Variants in INPP4A observed in about 807,000 individuals in gnomAD.
INPP4A encodes inositol polyphosphate-4-phosphatase type I A.
INPP4A carries 33 observed loss-of-function variants against 119.8 expected under a neutral mutation model. The ratio of observed to expected loss-of-function variants is 0.28; its 90% confidence interval spans 0.21 to 0.37. The LOEUF is 0.37. INPP4A is among the 10% of genes least tolerant of loss of function. INPP4A has a pLI of 1.00. For missense variants in INPP4A, 956 were observed against 1,289.9 expected, an observed-to-expected ratio of 0.74 and a Z score of 3.97; for synonymous variants, 496 against 500.7, an observed-to-expected ratio of 0.99 and a Z score of 0.12.
intron 1 of INPP4A, among the ~76,000 whole-genome samples, chr2:98,508,829 C>A (rs548325607): frequency 1.3e-5 from 2 of 152,262 alleles, no homozygotes; most frequent in African/African-American, 4.8e-5. Flanking sequence ...GACAGCAGAC[C>A]GCCATGTACA....
At chr2:98,484,614 A>G (rs562904625) in intron 1 of INPP4A, among the ~76,000 whole-genome samples, 1 of 152,152 alleles carries the variant, frequency 6.6e-6, no homozygotes, top group Non-Finnish European at 1.5e-5. Flanking sequence ...AAAATTTTGC[A>G]TACTTACTAT....
chr2:98,586,235 G>A (rs1267215516), intron 24 of INPP4A, among the ~76,000 whole-genome samples: 1 of 152,054 alleles, frequency 6.6e-6, no homozygotes, highest in Non-Finnish European at 1.5e-5. Flanking sequence ...TCGGAGCTTA[G>A]CTTTTGAATA....
intron 1 of INPP4A, among the ~76,000 whole-genome samples, chr2:98,489,255 T>C (rs1680197718): frequency 6.6e-6 from 1 of 151,898 alleles, no homozygotes; most frequent in Non-Finnish European, 1.5e-5. Flanking sequence ...CGGGTCTCAG[T>C]GGATACCAGG....
intron 1 of INPP4A, among the ~76,000 whole-genome samples, chr2:98,497,955 A>G (rs1682364491): frequency 6.6e-6 from 1 of 152,218 alleles, no homozygotes; most frequent in Non-Finnish European, 1.5e-5. Context: ...TGTATCTAGA[A>G]AGTAACTAAC....
intron 1 of INPP4A, among the ~76,000 whole-genome samples, chr2:98,464,260 T>G (rs1374194492): frequency 1.3e-5 from 2 of 151,814 alleles, no homozygotes; most frequent in African/African-American, 4.8e-5. Flanking sequence ...AGCCGTCAGA[T>G]TCATGGGGCC....
intron 7 of INPP4A, among the ~76,000 whole-genome samples, chr2:98,536,606 G>A (rs1025782668): frequency 6.6e-6 from 1 of 152,186 alleles, no homozygotes; most frequent in African/African-American, 2.4e-5. Context: ...ATTTATGGAA[G>A]GAATGAGTGA....
At chr2:98,476,393 G>C (rs1677202976) in intron 1 of INPP4A, among the ~76,000 whole-genome samples, 1 of 152,250 alleles carries the variant, frequency 6.6e-6, no homozygotes, top group Admixed American at 6.5e-5. Context: ...CCTGTTTGCT[G>C]TCCCTCGGGA....
chr2:98,461,658 C>T (rs1204984750), intron 1 of INPP4A, among the ~76,000 whole-genome samples: 1 of 152,262 alleles, frequency 6.6e-6, no homozygotes, highest in African/African-American at 2.4e-5. Flanking sequence ...CCTTAAGACA[C>T]CAATGCCATG....
intron 1 of INPP4A, among the ~76,000 whole-genome samples, chr2:98,479,062 C>G (rs965525511): frequency 6.6e-6 from 1 of 152,156 alleles, no homozygotes; most frequent in Non-Finnish European, 1.5e-5. Flanking sequence ...CACTTCCTCC[C>G]GGCTCCTGGG....
chr2:98,497,398 G>A (rs1417016647), intron 1 of INPP4A, among the ~76,000 whole-genome samples: 1 of 152,202 alleles, frequency 6.6e-6, no homozygotes, highest in Non-Finnish European at 1.5e-5. Context: ...GTGGAGCTGT[G>A]AGAAGAGGAC....
chr2:98,591,608 G>A lies in INPP4A; in HGVS notation c.*4000G>A, dbSNP rs912635399. 6.6e-6 allele frequency: 1 copy of A among 152,154 alleles called. No homozygotes were observed. The highest frequency in any genetic ancestry group is 2.4e-5 in the African/African-American group (1 of 41,418). The allele number at this position is 152,154 out of a possible 1,614,324, so 9.4% of individuals were successfully genotyped here. ...CCTCCGCATGCCATTCTGGTGCTGC[G>A]CTTCAGTTTCCTGTTGAGTCTCTGC... On this transcript the variant is annotated 3_prime_UTR_variant, in exon 25 of 25. Transcript: ENST00000409851.
rs781556120 is a variant in INPP4A, at chr2:98,577,127, C to T, written c.2770C>T (p.Leu924=). The T allele has an allele frequency of 6.2e-7, 1 of 1,611,644 alleles. No homozygotes were observed. Among genetic ancestry groups the T allele is most frequent in the Non-Finnish European group, 8.5e-7 (1 of 1,178,728 alleles). Residue 924 remains leucine (L), a synonymous_variant, in exon 24 of 25, where the codon CTG becomes TTG. Transcript: ENST00000409851. ...GMAPQVFTQA[L]ECMRSEGCRR... ...GGCCCCGCAGGTCTTCACCCAGGCCCTGGAGTGCATGCGCAGGTGAGTGCC... is the reference window on the plus strand; with the variant it reads ...GGCCCCGCAGGTCTTCACCCAGGCCTTGGAGTGCATGCGCAGGTGAGTGCC...
At chr2:98,572,659 AG>A (rs563985554) in intron 22 of INPP4A, among the ~76,000 whole-genome samples, 155 bp from the exon 23 acceptor site, 181 of 152,352 alleles carry the variant, frequency 1.2e-3, no homozygotes, top group African/African-American at 4.3e-3. Flanking sequence ...CCACACCAGC[AG>A]CCATGTCCTA....
At chr2:98,471,512 G>T (rs987704064) in intron 1 of INPP4A, among the ~76,000 whole-genome samples, 1 of 152,146 alleles carries the variant, frequency 6.6e-6, no homozygotes, top group Non-Finnish European at 1.5e-5. Context: ...TTAAGCTCTG[G>T]TGGATGGAAG....
chr2:98,516,417 AAACC>A (rs1332198282), intron 1 of INPP4A, among the ~76,000 whole-genome samples: 1 of 152,162 alleles, frequency 6.6e-6, no homozygotes, highest in Non-Finnish European at 1.5e-5. Context: ...CCTAGGATAT[AAACC>A]ACCCTCCTAA....
intron 1 of INPP4A, among the ~76,000 whole-genome samples, chr2:98,470,914 C>T (rs1675881670): frequency 6.6e-6 from 1 of 152,160 alleles, no homozygotes; most frequent in Non-Finnish European, 1.5e-5. Flanking sequence ...GATCCACCCA[C>T]CTTGGCCTCC....
In INPP4A at chr2:98,538,996, CCTT is replaced by C. The variant is rs1690871135; in HGVS notation, c.670+16_670+18del. On this transcript the variant is annotated intron_variant, in intron 9 of 24. Coordinates refer to ENST00000409851, the MANE Select transcript of INPP4A (RefSeq NM_001134225.2). ...GCTGAAATCGGGTAAACAGCTTCCT[CCTT>C]TGGTATTCTTGCCTCTCTAGTGAGT... 6.4e-7 allele frequency: 1 copy of C among 1,551,748 alleles called. No individual in the cohort carries two copies. Among genetic ancestry groups the C allele is most frequent in the Non-Finnish European group, 8.9e-7 (1 of 1,128,954 alleles).
intron 1 of INPP4A, among the ~76,000 whole-genome samples, chr2:98,452,383 A>G (rs1695380176): frequency 2.0e-5 from 3 of 152,188 alleles, no homozygotes; most frequent in African/African-American, 7.2e-5. Context: ...AAACTCTGGG[A>G]TGGGGCCCAG....
chr2:98,480,921 G>A (rs554641386), intron 1 of INPP4A, among the ~76,000 whole-genome samples: 159 of 152,338 alleles, frequency 1.0e-3, no homozygotes, highest in African/African-American at 3.6e-3. Context: ...GACCCTTCCA[G>A]CCCCAGGAAG....
Sources: gnomAD v4.1 joint callset for allele counts (sites outside exome capture counted in the v4.1 genomes callset) on GRCh38, gnomAD v4.1.1 for gene constraint, MANE v1.5 for transcripts, NCBI Gene and HGNC (gene_info 2026-07-23, HGNC 2026-07-21) for gene names.